EPHB1: variants seen among roughly 807,000 people sequenced by gnomAD.
EPHB1 encodes ephrin type-B receptor 1.
EPHB1 carries 30 observed loss-of-function variants against 94.4 expected under a neutral mutation model. The ratio of observed to expected loss-of-function variants is 0.32; its 90% CI spans 0.24 to 0.43. EPHB1 has a LOEUF of 0.43. Among genes scored for constraint, EPHB1 ranks in the 20% least tolerant of loss-of-function variants. EPHB1 has a pLI of 1.00. For missense variants in EPHB1, 1,055 were observed against 1,308.3 expected (o/e 0.81, Z 2.99); for synonymous variants, 522 against 489.1 (o/e 1.07, Z -0.89).
intron 2 of EPHB1, among the ~76,000 whole-genome samples, chr3:134,934,447 C>T (rs1285761001): frequency 6.6e-6 from 1 of 152,140 alleles, no homozygotes; most frequent in Non-Finnish European, 1.5e-5. Context: ...GGTGGACCTA[C>T]CTCAATGGAT....
chr3:135,157,708 A>T (rs1312548314), intron 6 of EPHB1, among the ~76,000 whole-genome samples: 1 of 152,250 alleles, frequency 6.6e-6, no homozygotes, highest in Non-Finnish European at 1.5e-5. Context: ...TACAAAGTCC[A>T]TTACATTGCT....
intron 1 of EPHB1, among the ~76,000 whole-genome samples, chr3:134,903,329 C>A (rs746263611): frequency 6.6e-6 from 1 of 152,110 alleles, no homozygotes; most frequent in Non-Finnish European, 1.5e-5. Flanking sequence ...TTTAGGGTAG[C>A]TCCTACTGGT....
At chr3:134,863,298 A>G (rs1469478927) in intron 1 of EPHB1, among the ~76,000 whole-genome samples, 1 of 152,216 alleles carries the variant, frequency 6.6e-6, no homozygotes, top group East Asian at 1.9e-4. Context: ...CCTGTTTCGC[A>G]TCATACTGCA....
chr3:134,865,900 A>C (rs2037366548), intron 1 of EPHB1, among the ~76,000 whole-genome samples: 2 of 152,368 alleles, frequency 1.3e-5, no homozygotes, highest in Admixed American at 1.3e-4. Flanking sequence ...GTTCAACATA[A>C]TATATGCTTA....
intron 3 of EPHB1, among the ~76,000 whole-genome samples, chr3:135,007,038 A>G (rs954694735): frequency 2.6e-5 from 4 of 152,218 alleles, no homozygotes; most frequent in Non-Finnish European, 5.9e-5. Flanking sequence ...AGATCAAGGC[A>G]GAAACAGGTC....
At chr3:135,211,489 A>C (rs1325115053) in intron 12 of EPHB1, among the ~76,000 whole-genome samples, 1 of 152,112 alleles carries the variant, frequency 6.6e-6, no homozygotes, top group Non-Finnish European at 1.5e-5. Context: ...CTGGCAATGC[A>C]TTTCTTAGTT....
chr3:135,249,558 G>T, intron 15 of EPHB1, 67 bp downstream of exon 15: 2 of 1,543,360 alleles, frequency 1.3e-6, no homozygotes, highest in African/African-American at 1.4e-5. Flanking sequence ...TGCTATTGCA[G>T]ATGGTGTGAG....
At chr3:135,143,458 A>G (rs1940897616) in intron 5 of EPHB1, among the ~76,000 whole-genome samples, 1 of 152,160 alleles carries the variant, frequency 6.6e-6, no homozygotes, top group Non-Finnish European at 1.5e-5. Flanking sequence ...TGGGTCCTCC[A>G]GCTGCATTAG....
intron 2 of EPHB1, among the ~76,000 whole-genome samples, chr3:134,936,448 C>A (rs2039003383): frequency 6.6e-6 from 1 of 152,236 alleles, no homozygotes. Flanking sequence ...TCCTTCCCAC[C>A]CCCTAGGTCC....
rs901862728 is a variant in EPHB1 at position 135,001,509 on chromosome 3, T to C, written c.805+49457T>C. Among the ~76,000 whole-genome samples the C allele has an allele frequency of 2.2e-4, 34 of 152,220 alleles. 1 individual carries two copies. The highest frequency in any genetic ancestry group is 1.9e-4 in the East Asian group (1 of 5,200). On this transcript the variant is annotated intron_variant, in intron 3 of 15. Coordinates refer to ENST00000398015, the MANE Select transcript of EPHB1 (RefSeq NM_004441.5). ...AAAGATCATATGCCAATTTAAAGTA[T>C]TGACAAATTTTGAGAAGGTAAAACA...
chr3:134,945,668 T>G (rs2039203804), intron 2 of EPHB1, among the ~76,000 whole-genome samples: 1 of 152,220 alleles, frequency 6.6e-6, no homozygotes, highest in Non-Finnish European at 1.5e-5. Flanking sequence ...TCTGCAAATC[T>G]GATAAGCAAA....
chr3:135,236,945 C>G (rs1344345853), intron 12 of EPHB1, among the ~76,000 whole-genome samples: 1 of 152,194 alleles, frequency 6.6e-6, no homozygotes, highest in Non-Finnish European at 1.5e-5. Flanking sequence ...GGCTCTAGAA[C>G]CAAAGCTATG....
chr3:135,220,039 TCTAAAGACC>T (rs1943240138), intron 12 of EPHB1, among the ~76,000 whole-genome samples: 1 of 151,818 alleles, frequency 6.6e-6, no homozygotes, highest in Non-Finnish European at 1.5e-5. Flanking sequence ...AGAGTTTTTT[TCTAAAGACC>T]CTGGTAGCTC....
intron 3 of EPHB1, among the ~76,000 whole-genome samples, chr3:135,005,032 G>GCT (rs761727762): frequency 2.6e-5 from 4 of 152,184 alleles, no homozygotes; most frequent in Non-Finnish European, 5.9e-5. Flanking sequence ...GAGGAGAGGC[G>GCT]CTCTGCTTTT....
chr3:134,914,132 C>T (rs2038515070), intron 1 of EPHB1, among the ~76,000 whole-genome samples: 1 of 152,098 alleles, frequency 6.6e-6, no homozygotes, highest in Non-Finnish European at 1.5e-5. Context: ...GCTTTCAGGG[C>T]CCAGTGGAAC....
At chr3:135,181,839 C>A (rs1040809059) in intron 10 of EPHB1, among the ~76,000 whole-genome samples, 21 of 152,170 alleles carry the variant, frequency 1.4e-4, no homozygotes, top group Admixed American at 6.5e-5. Context: ...TAGCATTTGC[C>A]AGTGCTGCCA....
At chr3:135,225,875 G>A (rs1263082359) in intron 12 of EPHB1, among the ~76,000 whole-genome samples, 1 of 152,110 alleles carries the variant, frequency 6.6e-6, no homozygotes, top group Non-Finnish European at 1.5e-5. Flanking sequence ...CAGGGTTCTA[G>A]ACCCACCAGG....
intron 3 of EPHB1, among the ~76,000 whole-genome samples, chr3:135,065,173 T>C (rs1937565354): frequency 6.6e-6 from 1 of 152,172 alleles, no homozygotes; most frequent in African/African-American, 2.4e-5. Context: ...GAATGTGTAT[T>C]CTGCAGTTGT....
intron 1 of EPHB1, among the ~76,000 whole-genome samples, chr3:134,817,907 C>T (rs892264983): frequency 3.3e-5 from 5 of 152,202 alleles, no homozygotes; most frequent in South Asian, 2.1e-4. Context: ...GACTGGCGGT[C>T]GGGAGAACTG....
Sources: allele counts gnomAD v4.1 joint callset (sites outside exome capture counted in the v4.1 genomes callset), GRCh38; gene constraint gnomAD v4.1.1; transcripts MANE v1.5; gene names NCBI Gene and HGNC (gene_info 2026-07-23, HGNC 2026-07-21).